HDAC8: variants seen among roughly 807,000 people sequenced by gnomAD.
HDAC8 encodes the protein histone deacetylase 8.
HDAC8 carries 1 observed loss-of-function variant against 32.2 expected under a neutral mutation model. The ratio of observed to expected loss-of-function variants is 0.03; its 90% CI spans 0.01 to 0.15. The LOEUF (loss-of-function observed/expected upper bound fraction) is 0.15, where lower values mean the gene tolerates loss of function less well. Among genes scored for constraint, HDAC8 ranks in the 10% least tolerant of loss-of-function variants. The pLI is 1.00. For missense variants in HDAC8, 117 were observed against 300.0 expected (o/e 0.39, Z 4.51); for synonymous variants, 108 against 113.9 (o/e 0.95, Z 0.33).
chrX:72,385,107 T>A (rs1366570337), intron 9 of HDAC8, among the ~76,000 whole-genome samples: 2 of 112,099 alleles, frequency 1.8e-5, no homozygotes, highest in African/African-American at 6.5e-5. Context: ...TCTTTTCCAT[T>A]AAAAATTGCA....
intron 9 of HDAC8, among the ~76,000 whole-genome samples, chrX:72,445,435 G>T (rs1457059853): frequency 1.8e-5 from 2 of 111,959 alleles, no homozygotes; most frequent in Admixed American, 1.9e-4. Flanking sequence ...AATGGGGAAA[G>T]GATTCCCTAT....
intron 4 of HDAC8, among the ~76,000 whole-genome samples, chrX:72,496,981 G>T (rs1051919484): frequency 5.4e-5 from 6 of 111,522 alleles, no homozygotes; most frequent in African/African-American, 2.0e-4. Context: ...TTTGCGTTAC[G>T]AGAAATGGCG....
intron 9 of HDAC8, among the ~76,000 whole-genome samples, chrX:72,360,766 C>CT (rs782536486): frequency 2.7e-5 from 3 of 112,341 alleles, no homozygotes; most frequent in Non-Finnish European, 5.6e-5. Flanking sequence ...AAAAAGCCCT[C>CT]TTTTTTCCCA....
intron 9 of HDAC8, among the ~76,000 whole-genome samples, chrX:72,372,498 A>G (rs931015585): frequency 9.0e-6 from 1 of 111,676 alleles, no homozygotes; most frequent in African/African-American, 3.3e-5. Context: ...AAGAATGAAC[A>G]TGTTCTCTAG....
chrX:72,407,720 G>A (rs1283906652), intron 9 of HDAC8, among the ~76,000 whole-genome samples: 2 of 111,890 alleles, frequency 1.8e-5, no homozygotes, highest in African/African-American at 3.3e-5. Context: ...AATGTAGTCC[G>A]CTGACTGATT....
At chrX:72,368,494 T>C (rs1434103348) in intron 9 of HDAC8, among the ~76,000 whole-genome samples, 1 of 110,687 alleles carries the variant, frequency 9.0e-6, no homozygotes, top group Non-Finnish European at 1.9e-5. Flanking sequence ...GTAGCTGGGA[T>C]TACAGGCACG....
intron 9 of HDAC8, among the ~76,000 whole-genome samples, chrX:72,409,434 T>G (rs1223675498): frequency 8.9e-6 from 1 of 111,937 alleles, no homozygotes; most frequent in Non-Finnish European, 1.9e-5. Context: ...CCCTACTGCT[T>G]ATAGAATCTT....
chrX:72,550,289 T>C (rs1556066634), intron 4 of HDAC8, among the ~76,000 whole-genome samples: 2 of 110,629 alleles, frequency 1.8e-5, no homozygotes, highest in Non-Finnish European at 3.8e-5. Flanking sequence ...GCCATTTATC[T>C]ATAGGAACCT....
At chrX:72,440,646 G>A (rs1392484768) in intron 9 of HDAC8, among the ~76,000 whole-genome samples, 6 of 112,035 alleles carry the variant, frequency 5.4e-5, no homozygotes, top group Admixed American at 1.9e-4. Context: ...CTGAGGTACC[G>A]GGTCCATCTC....
chrX:72,454,733 T>C (rs782301233), intron 9 of HDAC8, among the ~76,000 whole-genome samples: 2 of 112,477 alleles, frequency 1.8e-5, no homozygotes, highest in South Asian at 3.7e-4. Context: ...TAAAAAGTCA[T>C]TGCAGCATGT....
intron 9 of HDAC8, among the ~76,000 whole-genome samples, chrX:72,461,285 G>A (rs1466555090): frequency 8.9e-6 from 1 of 111,761 alleles, no homozygotes; most frequent in Non-Finnish European, 1.9e-5. Flanking sequence ...GGGAACTGGG[G>A]TGATAGGTAG....
intron 4 of HDAC8, among the ~76,000 whole-genome samples, chrX:72,507,365 T>C (rs1411919494): frequency 1.8e-5 from 2 of 111,949 alleles, no homozygotes; most frequent in Admixed American, 9.5e-5. Flanking sequence ...TTATAAATGA[T>C]ATTTGTTTTA....
chrX:72,520,806 C>T (rs953425952), intron 4 of HDAC8, among the ~76,000 whole-genome samples: 2 of 112,140 alleles, frequency 1.8e-5, no homozygotes, highest in Non-Finnish European at 3.8e-5. Flanking sequence ...ATTCCTCCAC[C>T]TTCTTTTGTT....
intron 9 of HDAC8, among the ~76,000 whole-genome samples, chrX:72,373,079 T>A: frequency 9.0e-6 from 1 of 111,618 alleles, no homozygotes; most frequent in Non-Finnish European, 1.9e-5. Context: ...AAGTGAGGCT[T>A]AAAGCTATTA....
intron 10 of HDAC8, among the ~76,000 whole-genome samples, chrX:72,331,191 C>T (rs143972160): frequency 0.019 from 2,084 of 110,083 alleles, 60 homozygotes; most frequent in African/African-American, 0.066. Context: ...GTGATCCACC[C>T]GACTCGGCCT....
At chrX:72,429,018 TCTTTC>T (rs1484564367) in intron 9 of HDAC8, among the ~76,000 whole-genome samples, 1 of 99,599 alleles carries the variant, frequency 1.0e-5, no homozygotes, top group Non-Finnish European at 2.1e-5. Context: ...TTTCTTTCTT[TCTTTC>T]TTTTTTTTTT....
intron 7 of HDAC8, among the ~76,000 whole-genome samples, chrX:72,487,507 C>T (rs2048715833): frequency 9.1e-6 from 1 of 110,434 alleles, no homozygotes; most frequent in African/African-American, 3.3e-5. Context: ...TTATGATTGG[C>T]AGATAACCTT....
At chrX:72,356,042 G>C (rs369885991) in intron 9 of HDAC8, among the ~76,000 whole-genome samples, 2 of 112,220 alleles carry the variant, frequency 1.8e-5, no homozygotes, top group East Asian at 5.6e-4. Context: ...ATTTTTAATA[G>C]ATTGACTAAC....
chrX:72,494,848 G>A (rs1000790015), intron 5 of HDAC8, among the ~76,000 whole-genome samples: 7 of 111,343 alleles, frequency 6.3e-5, no homozygotes, highest in African/African-American at 2.3e-4. Flanking sequence ...TAGAATGAAT[G>A]GAAATGACCT....
Sources: allele counts gnomAD v4.1 joint callset (sites outside exome capture counted in the v4.1 genomes callset), GRCh38; gene constraint gnomAD v4.1.1; transcripts MANE v1.5; gene names NCBI Gene and HGNC (gene_info 2026-07-23, HGNC 2026-07-21).